Variants in MYO9B observed in about 807,000 individuals in gnomAD.
MYO9B encodes unconventional myosin-IXb.
Under a neutral mutation model 229.5 loss-of-function variants are expected in MYO9B, and 71 were observed. The observed-to-expected ratio is 0.31, with a 90% CI of 0.26 to 0.38. MYO9B has a LOEUF of 0.38. Among genes scored for constraint, MYO9B ranks in the 10% least tolerant of loss-of-function variants. The pLI, the probability that MYO9B is intolerant of heterozygous loss-of-function variation, is 1.00. For missense variants in MYO9B, 2,255 were observed against 2,920.5 expected, an observed-to-expected ratio of 0.77 and a Z score of 5.25; for synonymous variants, 1,185 against 1,235.8, an observed-to-expected ratio of 0.96 and a Z score of 0.86.
chr19:17,124,614 A>G (rs533539319), intron 2 of MYO9B, among the ~76,000 whole-genome samples: 1 of 152,104 alleles, frequency 6.6e-6, no homozygotes, highest in Non-Finnish European at 1.5e-5. Flanking sequence ...TCTACTAAAA[A>G]TACAAAAATT....
rs2073113611 is a variant in MYO9B at position 17,202,193 on chromosome 19, C to T, written c.4726C>T (p.Leu1576=). ...MENYQIVVSN[L]ATERGQKDTN... ...GAACTACCAGATCGTCGTCAGCAACCTGGCCACTGAGCGTGGCCAGAAGGA... is the reference window on the plus strand; with the variant it reads ...GAACTACCAGATCGTCGTCAGCAACTTGGCCACTGAGCGTGGCCAGAAGGA... The change falls in exon 28 of 40, where the codon CTG becomes TTG. Residue 1576 remains leucine (L), a synonymous_variant. Coordinates refer to ENST00000682292, the MANE Select transcript of MYO9B (RefSeq NM_004145.4). 2 of 1,613,414 alleles carry T rather than the reference C, an allele frequency of 1.2e-6. No homozygotes were observed. The highest frequency in any genetic ancestry group is 1.3e-5 in the African/African-American group (1 of 74,924).
At chr19:17,087,688 G>C (rs1461531296) in intron 1 of MYO9B, among the ~76,000 whole-genome samples, 2 of 152,162 alleles carry the variant, frequency 1.3e-5, no homozygotes, top group Admixed American at 6.5e-5. Flanking sequence ...ACAATACTTT[G>C]GGAGGCCGAG....
intron 2 of MYO9B, among the ~76,000 whole-genome samples, chr19:17,116,134 A>G (rs983462554): frequency 6.6e-6 from 1 of 152,158 alleles, no homozygotes; most frequent in South Asian, 2.1e-4. Flanking sequence ...AGGGCTGAAC[A>G]TCAGCAGGCC....
intron 3 of MYO9B, among the ~76,000 whole-genome samples, chr19:17,147,942 G>A (rs1228667565): frequency 2.0e-5 from 3 of 151,782 alleles, no homozygotes; most frequent in African/African-American, 4.8e-5. Context: ...TTGGTCTCCC[G>A]AAGTGTTGGG....
chr19:17,190,064 C>CA (rs36086676), intron 19 of MYO9B, among the ~76,000 whole-genome samples: 56 of 127,158 alleles, frequency 4.4e-4, no homozygotes, highest in East Asian at 1.2e-3. Flanking sequence ...GACTCCGTCT[C>CA]AAAAAAAAAA....
At chr19:17,168,200 T>C (rs1008385782) in intron 11 of MYO9B, 136 bp downstream of exon 11, 2 of 1,240,894 alleles carry the variant, frequency 1.6e-6, no homozygotes, top group Admixed American at 2.4e-5. Context: ...GGTCTCACTC[T>C]GTCACCCAGG....
intron 11 of MYO9B, among the ~76,000 whole-genome samples, chr19:17,170,913 G>A (rs976274296): frequency 6.6e-6 from 1 of 151,892 alleles, no homozygotes; most frequent in Non-Finnish European, 1.5e-5. Context: ...TCAGATCAGG[G>A]GAAGCCCGTG....
intron 2 of MYO9B, among the ~76,000 whole-genome samples, chr19:17,116,776 A>T (rs953244367): frequency 1.3e-5 from 2 of 152,024 alleles, no homozygotes; most frequent in African/African-American, 2.4e-5. Context: ...TATGGAGAGG[A>T]TGGGGGTGCC....
intron 2 of MYO9B, among the ~76,000 whole-genome samples, chr19:17,109,937 C>G (rs763340476): frequency 6.6e-6 from 1 of 152,150 alleles, no homozygotes; most frequent in African/African-American, 2.4e-5. Flanking sequence ...ACAAGTCAAC[C>G]CACTGCAGGT....
Position 17,210,364 on chromosome 19 carries a change from C to G in MYO9B, c.5780C>G (p.Pro1927Arg). 1 of 1,599,312 alleles carries G rather than the reference C, an allele frequency of 6.3e-7. No homozygotes were observed. Among genetic ancestry groups the G allele is most frequent in the Non-Finnish European group, 8.5e-7 (1 of 1,172,786 alleles). ...CCTCTCAAACTGGGGTTTTCGTCTC[C>G]CTATGAGGGGGTCCTGGTATGTACG... The part of the protein sequence containing the change: ...PWPLKLGFSS[P>R]YEGVLNKSPK... The change falls in exon 37 of 40, where the codon CCC (proline) becomes CGC (arginine). Residue 1927 changes from proline (P) to arginine (R), a missense_variant. By Grantham distance (103) the Pro-to-Arg change is moderately radical (BLOSUM62 -2). This residue lies in a region of MYO9B where 331 missense variants were observed against 332.5 expected (regional missense o/e 1.00). Coordinates refer to ENST00000682292, the MANE Select transcript of MYO9B (RefSeq NM_004145.4).
At chr19:17,208,134 G>A (rs2073183480) in intron 35 of MYO9B, 1 of 151,522 alleles carries the variant, frequency 6.6e-6, no homozygotes. Flanking sequence ...CTGGGCAACA[G>A]AGTGAGACTC....
chr19:17,151,546 A>G (rs1184077771), intron 3 of MYO9B, among the ~76,000 whole-genome samples: 1 of 152,222 alleles, frequency 6.6e-6, no homozygotes, highest in Non-Finnish European at 1.5e-5. Flanking sequence ...TGTATACTTC[A>G]TCAGAGAAGA....
At chr19:17,104,832 G>A (rs1282614337) in intron 2 of MYO9B, among the ~76,000 whole-genome samples, 3 of 152,002 alleles carry the variant, frequency 2.0e-5, no homozygotes, top group Non-Finnish European at 2.9e-5. Flanking sequence ...CCCCTCCCAC[G>A]CCCAGGTTCT....
intron 2 of MYO9B, among the ~76,000 whole-genome samples, chr19:17,129,356 C>T (rs1466029420): frequency 2.0e-5 from 3 of 152,118 alleles, no homozygotes; most frequent in South Asian, 4.1e-4. Flanking sequence ...GAGCCAAGAT[C>T]GTGCCACTGC....
intron 2 of MYO9B, among the ~76,000 whole-genome samples, chr19:17,136,420 G>T (rs778573252): frequency 2.0e-5 from 3 of 152,084 alleles, no homozygotes; most frequent in Non-Finnish European, 2.9e-5. Flanking sequence ...TAGAAAGACC[G>T]CAGGGACCCC....
At chr19:17,147,910 G>C (rs1007533263) in intron 3 of MYO9B, among the ~76,000 whole-genome samples, 1 of 150,804 alleles carries the variant, frequency 6.6e-6, no homozygotes, top group Non-Finnish European at 1.5e-5. Flanking sequence ...TCGAACTCCC[G>C]ACCTCAGGTG....
At chr19:17,210,025 T>C (rs2073208290) in intron 36 of MYO9B, among the ~76,000 whole-genome samples, 1 of 152,150 alleles carries the variant, frequency 6.6e-6, no homozygotes, top group Non-Finnish European at 1.5e-5. Context: ...ACGATGGTCC[T>C]CGCTCAGCCT....
At chr19:17,127,348 T>C (rs1482749879) in intron 2 of MYO9B, among the ~76,000 whole-genome samples, 1 of 133,206 alleles carries the variant, frequency 7.5e-6, no homozygotes. Flanking sequence ...TTTTTTCCAG[T>C]TGGAATCTTG....
At chr19:17,134,381 G>GTTTGTTTTTTTTT (rs2072241804) in intron 2 of MYO9B, among the ~76,000 whole-genome samples, 1 of 46,472 alleles carries the variant, frequency 2.2e-5, no homozygotes, top group African/African-American at 8.9e-5. Flanking sequence ...CGTTTTGTTT[G>GTTTGTTTTTTTTT]TTTTTTTTTT....
Sources: allele counts gnomAD v4.1 joint callset (sites outside exome capture counted in the v4.1 genomes callset), GRCh38; gene constraint gnomAD v4.1.1; regional missense constraint gnomAD v4.1.1; transcripts MANE v1.5; gene names NCBI Gene and HGNC (gene_info 2026-07-23, HGNC 2026-07-21).